The following UGGT1 variants were observed in gnomAD, a reference collection of about 807,000 sequenced individuals.
UGGT1 encodes UDP-glucose:glycoprotein glucosyltransferase 1.
Under a neutral mutation model 203.9 loss-of-function variants are expected in UGGT1, and 107 were observed. That is an observed-to-expected ratio of 0.52 (90% CI 0.45 to 0.62). The LOEUF (loss-of-function observed/expected upper bound fraction) is 0.62. Ranked by LOEUF, UGGT1 falls within the 20% of genes least tolerant of loss-of-function variation. The probability of loss-of-function intolerance (pLI) is 0.00; values close to 1 mark genes in which losing one functional copy is unlikely to be tolerated. For missense variants in UGGT1, 1,673 were observed against 1,867.2 expected, an observed-to-expected ratio of 0.90 and a Z score of 1.92; for synonymous variants, 628 against 653.5, an observed-to-expected ratio of 0.96 and a Z score of 0.59.
At chr2:128,097,657 C>T in intron 2 of UGGT1, 93 bp downstream of exon 2, 1 of 1,463,164 alleles carries the variant, frequency 6.8e-7, no homozygotes, top group Non-Finnish European at 9.3e-7. Flanking sequence ...GTGAGATTAT[C>T]ATCAAATGCA....
intron 1 of UGGT1, among the ~76,000 whole-genome samples, chr2:128,094,774 A>T (rs1384413084): frequency 9.3e-6 from 1 of 107,406 alleles, no homozygotes; most frequent in African/African-American, 3.9e-5. Context: ...TTTGAGACGG[A>T]GTCTCTCTCT....
intron 18 of UGGT1, among the ~76,000 whole-genome samples, 189 bp downstream of exon 18, chr2:128,146,156 A>T (rs563719116): frequency 6.6e-6 from 1 of 152,178 alleles, no homozygotes; most frequent in Admixed American, 6.5e-5. Context: ...AAAAGAAATT[A>T]AAAAATTAGC....
rs1416583463 is a variant in UGGT1, at chr2:128,195,426, G to T, written c.*5684G>T. On this transcript the variant is annotated 3_prime_UTR_variant, in exon 41 of 41. Coordinates refer to ENST00000259253, the MANE Select transcript of UGGT1 (RefSeq NM_020120.4). ...TTCGTGGTAATAATAAAATAAAGGTGGGAAAATGTTATAATTTTTAAGGAA... is the reference window on the plus strand; with the variant it reads ...TTCGTGGTAATAATAAAATAAAGGTTGGAAAATGTTATAATTTTTAAGGAA... The T allele has an allele frequency of 1.3e-5, 2 of 152,118 alleles. No individual in the cohort carries two copies. Among genetic ancestry groups the T allele is most frequent in the East Asian group, 3.9e-4 (2 of 5,192 alleles). The allele number at this position is 152,118 out of a possible 1,614,324, so 9.4% of individuals were successfully genotyped here.
In UGGT1 at chr2:128,191,390, T is replaced by A. The variant is rs1237779171; in HGVS notation, c.*1648T>A. ...TGTTAAAAATTGAGGAGGGGATTAA[T>A]GAGTACAATGAAAACAAAACAAAAC... On this transcript the variant is annotated 3_prime_UTR_variant, in exon 41 of 41. Coordinates refer to ENST00000259253, the MANE Select transcript of UGGT1 (RefSeq NM_020120.4). 6.6e-6 allele frequency: 1 copy of A among 152,124 alleles called. No homozygotes were observed. Among genetic ancestry groups the A allele is most frequent in the Non-Finnish European group, 1.5e-5 (1 of 68,016 alleles). 9.4% of individuals were successfully genotyped at this position (152,124 alleles called of 1,614,324 possible). A position where few individuals can be genotyped will look rare whatever the true frequency, so the allele number is the denominator to read the frequency against.
Position 128,161,943 on chromosome 2 carries a change from A to G in UGGT1, c.2825+675A>G, listed in dbSNP as rs546851513. On this transcript the variant is annotated intron_variant, in intron 25 of 40. Transcript: ENST00000259253. ...TGAGGAACCACAATACCTTTCCCAC[A>G]GTGGCTGTACCATTTTACATTCCCA... is the stretch of plus-strand genomic sequence containing the variant. 1.7e-4 allele frequency among the ~76,000 whole-genome samples: 26 copies of G among 152,330 alleles called. No homozygotes were observed. In the Middle Eastern group the frequency reaches 0.014, roughly 80 times the overall value.
rs1187085619 is a variant in UGGT1 at position 128,154,767 on chromosome 2, T to C, written c.2138-722T>C. On this transcript the variant is annotated intron_variant, in intron 19 of 40. Coordinates refer to ENST00000259253, the MANE Select transcript of UGGT1 (RefSeq NM_020120.4). ...AATGAGTGGGTAGGCAGGCAAGCTG[T>C]GTCTGACAGACTGTGATGAGAAGAC... Among the ~76,000 whole-genome samples, 7 of 152,300 alleles carry C rather than the reference T, an allele frequency of 4.6e-5. No homozygotes were observed. The East Asian group carries it at 1.4e-3, about 29-fold the overall frequency.
chr2:128,127,443 A>T lies in UGGT1; in HGVS notation c.1217A>T (p.Asp406Val). ...NGLHMDLDTQ[D>V]IFSLFDVLRN... ...CTTCACATGGATTTAGATACACAGGATATATTCAGGTATGGATAATATTTT... is the reference window on the plus strand; with the variant it reads ...CTTCACATGGATTTAGATACACAGGTTATATTCAGGTATGGATAATATTTT... Residue 406 changes from aspartate (D) to valine (V), a missense_variant, in exon 12 of 41, where the codon GAT (aspartate) becomes GTT (valine). Transcript: ENST00000259253. 5 of 1,610,266 alleles carry T rather than the reference A, an allele frequency of 3.1e-6. No individual in the cohort carries two copies. Among genetic ancestry groups the T allele is most frequent in the Non-Finnish European group, 3.4e-6 (4 of 1,176,606 alleles).
At chr2:128,174,038 A>G in intron 30 of UGGT1, 99 bp downstream of exon 30, 1 of 1,353,290 alleles carries the variant, frequency 7.4e-7, no homozygotes, top group East Asian at 2.4e-5. Context: ...ATAGAGTGAG[A>G]TTAAAATTCA....
At chr2:128,178,055 T>C (rs568657714) in intron 33 of UGGT1, 135 bp downstream of exon 33, 37 of 730,034 alleles carry the variant, frequency 5.1e-5, no homozygotes, top group African/African-American at 4.6e-4. Context: ...CTCACACTTA[T>C]ATTTGGCATA....
rs1573641219 is a variant in UGGT1, at chr2:128,187,693, T to C, written c.4642+79T>C. On this transcript the variant is annotated intron_variant, in intron 40 of 40. Transcript: ENST00000259253. ...GCTTGTTGTAAAGACAATAGAATAA[T>C]GGATAAAAGGAAGAGAAAAATCTCC... 7.1e-6 allele frequency: 10 copies of C among 1,405,168 alleles called. No individual in the cohort carries two copies. The East Asian group carries it at 2.2e-4, about 31-fold the overall frequency. 87.0% of individuals were successfully genotyped at this position (1,405,168 alleles called of 1,614,324 possible).
At chr2:128,127,107 AT>A (rs986103589) in intron 11 of UGGT1, among the ~76,000 whole-genome samples, 2 of 151,780 alleles carry the variant, frequency 1.3e-5, no homozygotes, top group East Asian at 3.9e-4. Context: ...TGATCTCCTT[AT>A]TTTTTTCTCT....
At chr2:128,164,908 A>G in intron 26 of UGGT1, 83 bp downstream of exon 26, 5 of 1,041,204 alleles carry the variant, frequency 4.8e-6, no homozygotes, top group Non-Finnish European at 6.8e-6. Flanking sequence ...TCATTTTTCC[A>G]TATAAGATTT....
chr2:128,130,852 C>G (rs1372258477), intron 13 of UGGT1, among the ~76,000 whole-genome samples: 1 of 151,956 alleles, frequency 6.6e-6, no homozygotes, highest in East Asian at 1.9e-4. Flanking sequence ...ACTCAAATTC[C>G]TGCGGTCAAG....
intron 17 of UGGT1, 101 bp from the exon 18 acceptor site, chr2:128,145,702 A>G (rs1689654063): frequency 2.9e-6 from 3 of 1,033,408 alleles, no homozygotes; most frequent in Non-Finnish European, 4.0e-6. Context: ...CAATATTTCT[A>G]TTGATTGTTG....
intron 31 of UGGT1, 36 bp from the exon 32 acceptor site, chr2:128,176,778 G>A (rs1691417371): frequency 1.3e-6 from 2 of 1,589,422 alleles, no homozygotes; most frequent in Non-Finnish European, 1.7e-6. Flanking sequence ...TTTGAGAATT[G>A]TGCCTTGTAA....
intron 6 of UGGT1, among the ~76,000 whole-genome samples, chr2:128,113,608 A>G (rs1687965406): frequency 6.6e-6 from 1 of 151,910 alleles, no homozygotes; most frequent in African/African-American, 2.4e-5. Flanking sequence ...TCTCTTTGCC[A>G]CCTTTTTATT....
intron 40 of UGGT1, among the ~76,000 whole-genome samples, chr2:128,188,460 G>GA (rs1271451423): frequency 2.0e-5 from 3 of 152,012 alleles, no homozygotes; most frequent in African/African-American, 4.8e-5. Flanking sequence ...ATAGCTACTT[G>GA]AAAAAATCAT....
intron 15 of UGGT1, among the ~76,000 whole-genome samples, chr2:128,136,537 G>C (rs924320511): frequency 1.3e-5 from 2 of 152,074 alleles, no homozygotes; most frequent in African/African-American, 4.8e-5. Context: ...CTAGTGGCTT[G>C]ATAGCTCATT....
chr2:128,095,700 A>C (rs1687090173), intron 1 of UGGT1, among the ~76,000 whole-genome samples: 1 of 152,166 alleles, frequency 6.6e-6, no homozygotes, highest in African/African-American at 2.4e-5. Flanking sequence ...CAGTGCCTGA[A>C]CTTAAAATGC....
Sources: allele counts gnomAD v4.1 joint callset (sites outside exome capture counted in the v4.1 genomes callset), GRCh38; gene constraint gnomAD v4.1.1; transcripts MANE v1.5; gene names NCBI Gene and HGNC (gene_info 2026-07-23, HGNC 2026-07-21).